TEX9: variants seen among roughly 807,000 people sequenced by gnomAD.
The protein encoded by TEX9 is testis expressed 9.
TEX9 carries 74 observed loss-of-function variants against 59.6 expected under a neutral mutation model. The ratio of observed to expected loss-of-function variants is 1.24; its 90% confidence interval spans 1.03 to 1.51. The LOEUF (loss-of-function observed/expected upper bound fraction) is 1.51, where lower values mean the gene tolerates loss of function less well. TEX9 is among the 40% of genes most tolerant of loss of function. The pLI, the probability that TEX9 is intolerant of heterozygous loss-of-function variation, is 0.00. For missense variants in TEX9, 522 were observed against 447.8 expected (o/e 1.17, Z -1.49); for synonymous variants, 186 against 152.2 (o/e 1.22, Z -1.64).
chr15:56,458,476 G>A, the TEX9 span, among the ~76,000 whole-genome samples: 214 of 151,768 alleles, frequency 1.4e-3, 7 homozygotes, highest in East Asian at 0.036. Flanking sequence ...TCATTATCAC[G>A]CAAAGTCCAT....
chr15:56,281,456 G>A (rs745636582), intron 1 of TEX9, among the ~76,000 whole-genome samples: 9 of 152,332 alleles, frequency 5.9e-5, no homozygotes, highest in East Asian at 1.9e-4. Context: ...TCTGTGAACC[G>A]CCCATGCGAG....
At chr15:56,396,570 T>TG (rs2048480446) in intron 9 of TEX9, 1 of 149,476 alleles carries the variant, frequency 6.7e-6, no homozygotes, top group Admixed American at 6.7e-5. Context: ...TTGAATCTGT[T>TG]TTTTTTTTTT....
At chr15:56,425,393 C>T (rs1439253583) in intron 10 of TEX9, among the ~76,000 whole-genome samples, 1 of 152,058 alleles carries the variant, frequency 6.6e-6, no homozygotes, top group Non-Finnish European at 1.5e-5. Context: ...AGCTGCTGTT[C>T]ACTTTTCTTC....
intron 1 of TEX9, among the ~76,000 whole-genome samples, chr15:56,271,445 C>T (rs1303088638): frequency 6.6e-6 from 1 of 152,118 alleles, no homozygotes; most frequent in Non-Finnish European, 1.5e-5. Flanking sequence ...GAAGCTTGTG[C>T]ATGCGTCACG....
chr15:56,355,702 C>A (rs2046671394), intron 1 of TEX9, among the ~76,000 whole-genome samples: 1 of 152,060 alleles, frequency 6.6e-6, no homozygotes, highest in South Asian at 2.1e-4. Context: ...TTGAGTCCAC[C>A]AATCCATGAA....
chr15:56,459,779 T>G, the TEX9 span, among the ~76,000 whole-genome samples: 14 of 150,994 alleles, frequency 9.3e-5, no homozygotes, highest in East Asian at 2.5e-3. Context: ...TCATCTTAGG[T>G]TGGGAGTTGG....
chr15:56,428,430 T>G (rs2140299211), exon 12 of TEX9: 2 of 1,611,574 alleles, frequency 1.2e-6, no homozygotes, highest in East Asian at 2.2e-5. Context: ...AGCACTTGAA[T>G]GGGGAAATTC....
chr15:56,431,293 G>C (rs1401202173), intron 12 of TEX9: 2 of 1,527,268 alleles, frequency 1.3e-6, no homozygotes, highest in South Asian at 1.2e-5. Context: ...GCAAAACCAA[G>C]GCACTCTAAA....
chr15:56,392,629 T>A (rs1316567745), intron 7 of TEX9, among the ~76,000 whole-genome samples: 1 of 139,680 alleles, frequency 7.2e-6, no homozygotes, highest in African/African-American at 2.5e-5. Context: ...AAATCATAAT[T>A]TATATGTATA....
upstream of TEX9, chr15:56,365,375 G>A (rs1297536475): frequency 5.6e-5 from 87 of 1,550,416 alleles, no homozygotes; most frequent in Non-Finnish European, 7.4e-5. Context: ...GCGCCCGGGC[G>A]GGAGGCAACC....
At chr15:56,360,620 G>A (rs1239127908), upstream of TEX9, among the ~76,000 whole-genome samples, 2 of 151,994 alleles carry the variant, frequency 1.3e-5, no homozygotes, top group African/African-American at 4.8e-5. Flanking sequence ...ATGATGTTTA[G>A]ACATCTTTAA....
At chr15:56,264,413 T>A (rs1874713018) in intron 1 of TEX9, among the ~76,000 whole-genome samples, 1 of 152,198 alleles carries the variant, frequency 6.6e-6, no homozygotes, top group Admixed American at 6.5e-5. Flanking sequence ...TTTCACAAAG[T>A]TTTTTCCCTG....
chr15:56,450,742 C>T (rs1318848645), downstream of TEX9, among the ~76,000 whole-genome samples: 1 of 152,046 alleles, frequency 6.6e-6, no homozygotes, highest in Admixed American at 6.5e-5. Context: ...TTAAGTCTCA[C>T]TATTGAATTT....
rs182764590 is a variant in TEX9 at position 56,280,460 on chromosome 15, C to T, written c.-107+36182C>T. On this transcript the variant is annotated intron_variant, in intron 1 of 5. Coordinates refer to the TEX9 transcript ENST00000560827. Reference sequence around the variant, plus strand: ...CCTTGTATCTTCTGAACATTCTACCCGAAGGCAAAGATTGGAGGTATAATG... The same window carrying T: ...CCTTGTATCTTCTGAACATTCTACCTGAAGGCAAAGATTGGAGGTATAATG... Among the ~76,000 whole-genome samples, 58 of 152,150 alleles carry T rather than the reference C, an allele frequency of 3.8e-4. 1 individual carries two copies. The highest frequency in any genetic ancestry group is 3.4e-3 in the Admixed American group (52 of 15,278).
chr15:56,437,241 G>A (rs1472586979), intron 12 of TEX9, among the ~76,000 whole-genome samples: 1 of 152,150 alleles, frequency 6.6e-6, no homozygotes. Flanking sequence ...ACCAAATCCA[G>A]CAGCACATCA....
intron 1 of TEX9, among the ~76,000 whole-genome samples, chr15:56,319,229 G>A (rs1280177202): frequency 6.6e-6 from 1 of 151,792 alleles, no homozygotes; most frequent in Non-Finnish European, 1.5e-5. Flanking sequence ...ATTTCAAAAC[G>A]TCTTGACCAT....
At chr15:56,269,450 T>C (rs982174938) in intron 1 of TEX9, among the ~76,000 whole-genome samples, 1 of 152,174 alleles carries the variant, frequency 6.6e-6, no homozygotes, top group Non-Finnish European at 1.5e-5. Flanking sequence ...CTTTCTCTTG[T>C]GGGCATTTAG....
At chr15:56,440,571 C>G (rs753593262) in intron 12 of TEX9, among the ~76,000 whole-genome samples, 1 of 152,046 alleles carries the variant, frequency 6.6e-6, no homozygotes, top group South Asian at 2.1e-4. Flanking sequence ...TTCCAAATGC[C>G]CTTTAATGGG....
chr15:56,459,771 A>G, the TEX9 span, among the ~76,000 whole-genome samples: 2 of 151,406 alleles, frequency 1.3e-5, no homozygotes, highest in South Asian at 2.1e-4. Context: ...AGGACAGATC[A>G]TCTTAGGTTG....
Sources: gnomAD v4.1 joint callset for allele counts (sites outside exome capture counted in the v4.1 genomes callset) on GRCh38, gnomAD v4.1.1 for gene constraint, MANE v1.5 for transcripts, NCBI Gene and HGNC (gene_info 2026-07-23, HGNC 2026-07-21) for gene names.